Variants in RGL1 observed in about 807,000 individuals in gnomAD.
RGL1 encodes the protein ral guanine nucleotide dissociation stimulator-like 1.
In RGL1, 24 loss-of-function variants were observed where a neutral mutation model predicts 95.2. The observed-to-expected ratio is 0.25, with a 90% confidence interval of 0.18 to 0.35. RGL1 has a LOEUF of 0.35. Among genes scored for constraint, RGL1 ranks in the 10% least tolerant of loss-of-function variants. The probability of loss-of-function intolerance (pLI) is 1.00; values close to 1 mark genes in which losing one functional copy is unlikely to be tolerated. For synonymous variants in RGL1, 329 were observed against 344.9 expected, an observed-to-expected ratio of 0.95 and a Z score of 0.51; for missense variants, 715 against 936.3, an observed-to-expected ratio of 0.76 and a Z score of 3.08.
chr1:183,691,967 C>A lies in RGL1; in HGVS notation c.-32-50159C>A, dbSNP rs376642048. On this transcript the variant is annotated intron_variant, in intron 1 of 18. Transcript: ENST00000304685. ...TCAGTGAATGTTCAAAATGTATTAT[C>A]ACTTCTGTGGTGATCTAATCTTATT... Among the ~76,000 whole-genome samples, 13 of 151,756 alleles carry A rather than the reference C, an allele frequency of 8.6e-5. No homozygotes were observed. The East Asian group carries it at 2.5e-3, about 29-fold the overall frequency.
intron 3 of RGL1, among the ~76,000 whole-genome samples, chr1:183,852,142 G>A (rs979603354): frequency 2.2e-4 from 34 of 152,018 alleles, no homozygotes; most frequent in Admixed American, 6.6e-4. Flanking sequence ...ATTTCCCACC[G>A]GAGAAGCTTA....
chr1:183,774,798 A>G (rs964325268), intron 2 of RGL1, among the ~76,000 whole-genome samples: 8 of 150,534 alleles, frequency 5.3e-5, no homozygotes, highest in Admixed American at 4.6e-4. Flanking sequence ...CTGGTCTCAA[A>G]CTCCTGACCT....
intron 1 of RGL1, chr1:183,646,477 C>T (rs1650301517): frequency 2.0e-5 from 3 of 151,908 alleles, no homozygotes. Flanking sequence ...GTACATTTTT[C>T]TTGTAATGTA....
chr1:183,713,383 C>CCT (rs1553273647), intron 1 of RGL1, among the ~76,000 whole-genome samples: 1 of 136,540 alleles, frequency 7.3e-6, no homozygotes, highest in South Asian at 2.7e-4. Context: ...GGCACCCCCC[C>CCT]CCCCCGCTTT....
intron 7 of RGL1, among the ~76,000 whole-genome samples, chr1:183,885,279 A>C (rs1572552847): frequency 6.6e-6 from 1 of 152,204 alleles, no homozygotes; most frequent in East Asian, 1.9e-4. Context: ...TGTTCAGTAA[A>C]TATAAATGTA....
intron 2 of RGL1, among the ~76,000 whole-genome samples, chr1:183,844,272 A>C (rs1664267526): frequency 6.6e-6 from 1 of 152,258 alleles, no homozygotes; most frequent in South Asian, 2.1e-4. Flanking sequence ...CACATTTGAA[A>C]ATAAAAATTA....
intron 3 of RGL1, among the ~76,000 whole-genome samples, chr1:183,850,601 G>A (rs1204634881): frequency 6.6e-6 from 1 of 152,134 alleles, no homozygotes; most frequent in Non-Finnish European, 1.5e-5. Flanking sequence ...ACTTTGAGCT[G>A]CAGCACAGAT....
At chr1:183,676,931 G>T (rs1652863767) in intron 1 of RGL1, among the ~76,000 whole-genome samples, 1 of 150,872 alleles carries the variant, frequency 6.6e-6, no homozygotes, top group Non-Finnish European at 1.5e-5. Context: ...ACATGTAAAG[G>T]ACAGAAAAGG....
intron 1 of RGL1, among the ~76,000 whole-genome samples, chr1:183,701,549 T>C (rs1209631926): frequency 6.6e-6 from 1 of 152,176 alleles, no homozygotes; most frequent in Non-Finnish European, 1.5e-5. Context: ...CAATGGGAAG[T>C]GAAATAGGGA....
intron 1 of RGL1, among the ~76,000 whole-genome samples, chr1:183,698,532 C>G (rs1025812056): frequency 2.0e-5 from 3 of 152,236 alleles, no homozygotes; most frequent in African/African-American, 7.2e-5. Flanking sequence ...TTTGTCTCAT[C>G]TGAAATATTT....
At chr1:183,815,470 A>G (rs1662023483) in intron 2 of RGL1, among the ~76,000 whole-genome samples, 1 of 152,176 alleles carries the variant, frequency 6.6e-6, no homozygotes. Flanking sequence ...AAATGACTTT[A>G]GGGCCCAGAG....
chr1:183,789,553 C>A (rs1160014474), intron 2 of RGL1, among the ~76,000 whole-genome samples: 1 of 152,164 alleles, frequency 6.6e-6, no homozygotes, highest in African/African-American at 2.4e-5. Context: ...AATAAATATT[C>A]ATTACATAAT....
At chr1:183,648,861 A>G (rs947191629) in intron 1 of RGL1, 9 of 1,116,688 alleles carry the variant, frequency 8.1e-6, no homozygotes, top group African/African-American at 1.6e-5. Context: ...GAAAAACTGA[A>G]GACAGTGCAT....
chr1:183,796,657 T>C (rs907442738), intron 2 of RGL1, among the ~76,000 whole-genome samples: 1 of 152,204 alleles, frequency 6.6e-6, no homozygotes, highest in African/African-American at 2.4e-5. Context: ...AGTTCTAGTT[T>C]ATCTTGGTTT....
At chr1:183,656,113 C>CTTTTTTTTTTTT (rs60220835) in intron 1 of RGL1, among the ~76,000 whole-genome samples, 17 of 144,952 alleles carry the variant, frequency 1.2e-4, no homozygotes, top group Non-Finnish European at 2.3e-4. Flanking sequence ...CTTTTCTTTT[C>CTTTTTTTTTTTT]TTTTTTTTTT....
chr1:183,918,565 G>T (rs1444139810), intron 16 of RGL1, among the ~76,000 whole-genome samples: 1 of 152,188 alleles, frequency 6.6e-6, no homozygotes, highest in Non-Finnish European at 1.5e-5. Flanking sequence ...CAGTCTGGGG[G>T]GAACTGTGAG....
intron 2 of RGL1, among the ~76,000 whole-genome samples, chr1:183,832,711 G>C (rs1377014456): frequency 6.6e-6 from 1 of 152,128 alleles, no homozygotes; most frequent in African/African-American, 2.4e-5. Context: ...GTGTGACCTG[G>C]AATGAGTCAC....
At chr1:183,656,136 G>A (rs1651147841) in intron 1 of RGL1, among the ~76,000 whole-genome samples, 1 of 146,376 alleles carries the variant, frequency 6.8e-6, no homozygotes, top group African/African-American at 2.6e-5. Context: ...CATGAAAACA[G>A]GAGATTCCGG....
intron 1 of RGL1, among the ~76,000 whole-genome samples, chr1:183,652,206 A>G (rs1440294403): frequency 6.6e-6 from 1 of 152,198 alleles, no homozygotes; most frequent in Non-Finnish European, 1.5e-5. Flanking sequence ...GTGTTTTTAG[A>G]TAAAGGTAGC....
Sources: gnomAD v4.1 joint callset for allele counts (sites outside exome capture counted in the v4.1 genomes callset) on GRCh38, gnomAD v4.1.1 for gene constraint, MANE v1.5 for transcripts, NCBI Gene and HGNC (gene_info 2026-07-23, HGNC 2026-07-21) for gene names.